The following ATP9B variants were observed in gnomAD, a reference collection of about 807,000 sequenced individuals.
ATP9B encodes the protein probable phospholipid-transporting ATPase IIB.
In ATP9B, 110 loss-of-function variants were observed where a neutral mutation model predicts 146.1. The observed-to-expected ratio is 0.75, with a 90% CI of 0.65 to 0.88. The LOEUF (loss-of-function observed/expected upper bound fraction) is 0.88. Ranked by LOEUF, ATP9B falls within the 40% of genes least tolerant of loss-of-function variation. The probability of loss-of-function intolerance (pLI) is 0.00; values close to 1 mark genes in which losing one functional copy is unlikely to be tolerated. For synonymous variants in ATP9B, 604 were observed against 569.7 expected, an observed-to-expected ratio of 1.06 and a Z score of -0.86; for missense variants, 1,499 against 1,496.4, an observed-to-expected ratio of 1.00 and a Z score of -0.03.
intron 6 of ATP9B, among the ~76,000 whole-genome samples, chr18:79,149,671 T>C (rs1320689740): frequency 6.6e-6 from 1 of 151,792 alleles, no homozygotes; most frequent in Admixed American, 6.6e-5. Flanking sequence ...TCAACAAAGA[T>C]TTCTGTCTAG....
chr18:79,275,329 TC>T (rs1344083351), intron 12 of ATP9B, among the ~76,000 whole-genome samples: 1 of 152,246 alleles, frequency 6.6e-6, no homozygotes, highest in Non-Finnish European at 1.5e-5. Context: ...GTCCATGACT[TC>T]CACTTTCTCT....
chr18:79,327,505 T>TCTCCGTGGTTAGTGTG (rs1568696469), intron 15 of ATP9B, among the ~76,000 whole-genome samples: 5 of 120,356 alleles, frequency 4.2e-5, no homozygotes, highest in Non-Finnish European at 3.4e-5. Context: ...GTTAGTGTGC[T>TCTCCGTGGTTAGTGTG]CTCTCCATGG....
At chr18:79,235,002 A>AT (rs2095828037) in intron 11 of ATP9B, among the ~76,000 whole-genome samples, 2 of 152,134 alleles carry the variant, frequency 1.3e-5, no homozygotes, top group South Asian at 4.2e-4. Context: ...CCTCCCGAGT[A>AT]GCTGGGACTA....
intron 25 of ATP9B, among the ~76,000 whole-genome samples, chr18:79,350,878 C>A (rs1407671167): frequency 1.3e-5 from 2 of 151,156 alleles, no homozygotes; most frequent in Non-Finnish European, 2.9e-5. Context: ...AAGTGATTCT[C>A]CTCCCTCAGC....
chr18:79,318,136 G>A (rs1406958119), intron 15 of ATP9B, among the ~76,000 whole-genome samples: 2 of 152,260 alleles, frequency 1.3e-5, no homozygotes, highest in African/African-American at 4.8e-5. Flanking sequence ...AAGGATTCCT[G>A]TGCAAAAGGA....
In ATP9B at chr18:79,307,102, C is replaced by T. The variant is rs1164662957; in HGVS notation, c.1641C>T (p.Ala547=). The T allele has an allele frequency of 1.2e-6, 2 of 1,614,202 alleles. No individual in the cohort carries two copies. Among genetic ancestry groups the T allele is most frequent in the South Asian group, 2.2e-5 (2 of 91,082 alleles). ...VSSRIHEAVK[A]IVLCHNVTPV... ...GTCGAATCCATGAAGCCGTGAAAGC[C>T]ATCGTGCTGTGTCACAACGTGACCC... Residue 547 remains alanine, a synonymous_variant, in exon 15 of 30, where the codon GCC becomes GCT. Transcript: ENST00000426216.
At chr18:79,262,322 T>G (rs1300203147) in intron 12 of ATP9B, among the ~76,000 whole-genome samples, 1 of 152,216 alleles carries the variant, frequency 6.6e-6, no homozygotes, top group Non-Finnish European at 1.5e-5. Flanking sequence ...TGTTACGTTT[T>G]TAGTTACTGA....
At chr18:79,121,675 A>G (rs588301) in intron 4 of ATP9B, among the ~76,000 whole-genome samples, 9,259 of 152,244 alleles carry the variant, frequency 0.061, 364 homozygotes, top group Non-Finnish European at 0.092. Context: ...CAGGGGATGG[A>G]CGTGATGGTG....
intron 6 of ATP9B, among the ~76,000 whole-genome samples, chr18:79,153,710 G>T (rs1360031474): frequency 6.6e-6 from 1 of 151,218 alleles, no homozygotes; most frequent in Non-Finnish European, 1.5e-5. Context: ...AAGTGCAGTG[G>T]CATGAACATG....
At chr18:79,082,797 C>T (rs140057324) in intron 1 of ATP9B, among the ~76,000 whole-genome samples, 27 of 152,342 alleles carry the variant, frequency 1.8e-4, no homozygotes, top group Admixed American at 1.6e-3. Context: ...CAAAGGGGCA[C>T]CTGCCAGATG....
intron 4 of ATP9B, among the ~76,000 whole-genome samples, chr18:79,120,308 T>C (rs1255294559): frequency 6.6e-6 from 1 of 152,222 alleles, no homozygotes; most frequent in African/African-American, 2.4e-5. Context: ...ATAAAACCAT[T>C]TTACAGTTGT....
chr18:79,262,690 T>C (rs1041704231), intron 12 of ATP9B, among the ~76,000 whole-genome samples: 1 of 152,182 alleles, frequency 6.6e-6, no homozygotes, highest in Non-Finnish European at 1.5e-5. Flanking sequence ...TCCATCCCCT[T>C]TACGTGGTAC....
At chr18:79,095,727 C>T (rs763434641) in intron 1 of ATP9B, 1 of 152,168 alleles carries the variant, frequency 6.6e-6, no homozygotes, top group Non-Finnish European at 1.5e-5. Context: ...CTTGTTGAAT[C>T]ACCATTATAG....
At chr18:79,342,626 T>C (rs952681547) in intron 20 of ATP9B, among the ~76,000 whole-genome samples, 2 of 151,942 alleles carry the variant, frequency 1.3e-5, no homozygotes, top group African/African-American at 2.4e-5. Flanking sequence ...TTAAAAAGCA[T>C]GTTAAAATAG....
Position 79,348,207 on chromosome 18 carries a change from C to G in ATP9B, c.2903+11C>G, listed in dbSNP as rs2096901579. ...CTTCCTCATGGTGGGGTAAGTTACA[C>G]TCAGAACCTGCCAGCTCATCCAGGG... On this transcript the variant is annotated intron_variant, in intron 25 of 29. Transcript: ENST00000426216. The G allele has an allele frequency of 1.3e-6, 2 of 1,502,050 alleles. No homozygotes were observed. The highest frequency in any genetic ancestry group is 1.8e-6 in the Non-Finnish European group (2 of 1,091,214). The allele number at this position is 1,502,050 out of a possible 1,614,324, so 93.0% of individuals were successfully genotyped here.
In ATP9B at chr18:79,185,876, C is replaced by T. The variant is rs529514405; in HGVS notation, c.874-7307C>T. On this transcript the variant is annotated intron_variant, in intron 8 of 29. Transcript: ENST00000426216. ...AGCCAGGCTGAGTAAACTTAGAGAC[C>T]TAAGAACTCATCTGGAAGAGCTGAG... Among the ~76,000 whole-genome samples, 5 of 152,172 alleles carry T rather than the reference C, an allele frequency of 3.3e-5. No individual in the cohort carries two copies. In the East Asian group the frequency reaches 7.7e-4, roughly 24 times the overall value.
At chr18:79,138,545 A>G (rs992253426) in intron 5 of ATP9B, among the ~76,000 whole-genome samples, 2 of 152,312 alleles carry the variant, frequency 1.3e-5, no homozygotes, top group African/African-American at 2.4e-5. Flanking sequence ...TAATTTGGCA[A>G]TGAGTCTACC....
chr18:79,310,032 T>C (rs1299833531), intron 15 of ATP9B, among the ~76,000 whole-genome samples: 1 of 152,178 alleles, frequency 6.6e-6, no homozygotes, highest in African/African-American at 2.4e-5. Flanking sequence ...AGTGGAAATA[T>C]GAGCCTAAAA....
chr18:79,154,396 AATTAT>A (rs1277090124), intron 6 of ATP9B, 103 bp from the exon 7 acceptor site: 3 of 738,118 alleles, frequency 4.1e-6, no homozygotes, highest in East Asian at 3.0e-5. Context: ...GCACAATTTT[AATTAT>A]ATTATCTTAG....
Sources: allele counts gnomAD v4.1 joint callset (sites outside exome capture counted in the v4.1 genomes callset), GRCh38; gene constraint gnomAD v4.1.1; transcripts MANE v1.5; gene names NCBI Gene and HGNC (gene_info 2026-07-23, HGNC 2026-07-21).